USP34: variants seen among roughly 807,000 people sequenced by gnomAD.
USP34 encodes ubiquitin specific peptidase 34, also known as ubiquitin carboxyl-terminal hydrolase 34.
USP34 carries 70 observed loss-of-function variants against 460.3 expected under a neutral mutation model. The ratio of observed to expected loss-of-function variants is 0.15; its 90% CI spans 0.13 to 0.19. The LOEUF is 0.19. Ranked by LOEUF, USP34 falls within the 10% of genes least tolerant of loss-of-function variation. USP34 has a pLI of 1.00. For synonymous variants in USP34, 1,647 were observed against 1,405.3 expected, an observed-to-expected ratio of 1.17 and a Z score of -3.85; for missense variants, 3,985 against 4,236.2, an observed-to-expected ratio of 0.94 and a Z score of 1.65.
chr2:61,237,743 G>GTT, intron 53 of USP34, among the ~76,000 whole-genome samples: 1 of 147,990 alleles, frequency 6.8e-6, no homozygotes, highest in African/African-American at 2.5e-5. Flanking sequence ...TATTATTTTT[G>GTT]TATTTTTTTT....
At position 61,223,045 on chromosome 2, in the gene USP34, T is replaced by C. The variant is rs1020171504; in HGVS notation, c.7749+15A>G. On this transcript the variant is annotated intron_variant, in intron 64 of 79. Coordinates refer to ENST00000398571, the MANE Select transcript of USP34 (RefSeq NM_014709.4). ...AAATTTCCAAAAATCTTTAAGACTG[T>C]TCCTTAGCACTTACATGTTCTGCAA... 1.4e-5 allele frequency: 23 copies of C among 1,601,168 alleles called. No homozygotes were observed. The highest frequency in any genetic ancestry group is 2.7e-5 in the African/African-American group (2 of 74,348).
At chr2:61,234,399 G>C (rs531966429) in intron 57 of USP34, among the ~76,000 whole-genome samples, 1 of 152,208 alleles carries the variant, frequency 6.6e-6, no homozygotes, top group African/African-American at 2.4e-5. Context: ...TTACCTTTGA[G>C]TGGGTTATCC....
chr2:61,258,270 G>A (rs1475489890), intron 44 of USP34, among the ~76,000 whole-genome samples: 1 of 152,140 alleles, frequency 6.6e-6, no homozygotes, highest in African/African-American at 2.4e-5. Context: ...GTTGCCATGA[G>A]ACGAGATGGT....
intron 10 of USP34, among the ~76,000 whole-genome samples, chr2:61,363,089 A>C (rs1196697617): frequency 6.6e-6 from 1 of 152,222 alleles, no homozygotes; most frequent in Non-Finnish European, 1.5e-5. Context: ...CAAATAGCCA[A>C]TGAGCACAGG....
chr2:61,445,378 A>G (rs925627031), intron 1 of USP34, among the ~76,000 whole-genome samples: 2 of 151,464 alleles, frequency 1.3e-5, no homozygotes, highest in African/African-American at 4.9e-5. Flanking sequence ...TACGAAAAAT[A>G]CAAAAAGTTA....
At chr2:61,452,624 T>C (rs1695317565) in intron 1 of USP34, among the ~76,000 whole-genome samples, 1 of 151,844 alleles carries the variant, frequency 6.6e-6, no homozygotes, top group Non-Finnish European at 1.5e-5. Context: ...CGTGCTGGCC[T>C]GTAATCCCCA....
At chr2:61,367,581 CATT>C (rs1380834051) in intron 10 of USP34, among the ~76,000 whole-genome samples, 1 of 152,094 alleles carries the variant, frequency 6.6e-6, no homozygotes, top group Non-Finnish European at 1.5e-5. Context: ...GGCACACAAT[CATT>C]AGTAATGAAA....
Position 61,204,366 on chromosome 2 carries a change from A to G in USP34, c.9274T>C (p.Tyr3092His), listed in dbSNP as rs1432230521. The G allele has an allele frequency of 9.3e-6, 15 of 1,614,086 alleles. No homozygotes were observed. Among genetic ancestry groups the G allele is most frequent in the South Asian group, 1.1e-5 (1 of 91,090 alleles). Residue 3092 changes from tyrosine (Y) to histidine (H), a missense_variant, in exon 74 of 80, where the codon TAT becomes CAT. By Grantham distance (83) the Tyr-to-His change is moderately conservative. Transcript: ENST00000398571. Reference sequence around the variant, plus strand: ...TTGATATTTTCTCGACAAGGGAAATAAGGTCCAAGAGACACTAAGATATTA... The same window carrying G: ...TTGATATTTTCTCGACAAGGGAAATGAGGTCCAAGAGACACTAAGATATTA... ...HSNIPMSLGPYFPCRENIKLI... is the reference protein window; with the variant it reads ...HSNIPMSLGPHFPCRENIKLI...
chr2:61,200,892 A>ATGAT (rs1282386243), intron 75 of USP34: 1 of 152,260 alleles, frequency 6.6e-6, no homozygotes, highest in Non-Finnish European at 1.5e-5. Flanking sequence ...GGAGGCATTA[A>ATGAT]TGATAGGATT....
In USP34 at chr2:61,190,344, C is replaced by G. The variant is rs762103078; in HGVS notation, c.9800G>C (p.Ser3267Thr). 5 of 1,613,674 alleles carry G rather than the reference C, an allele frequency of 3.1e-6. No homozygotes were observed. Among genetic ancestry groups the G allele is most frequent in the Non-Finnish European group, 4.2e-6 (5 of 1,179,942 alleles). ...LISTLITNLI[S>T]QYQNLQSDFS... ...ATCAGACTGTAGGTTCTGATACTGG[C>G]TTATCAAGTTTGTAATAAGAGTGCT... Residue 3267 changes from serine (S) to threonine (T), a missense_variant, in exon 78 of 80, where the codon AGC becomes ACC. By Grantham distance (58) the Ser-to-Thr change is moderately conservative (BLOSUM62 1). Transcript: ENST00000398571.
intron 8 of USP34, among the ~76,000 whole-genome samples, chr2:61,373,089 T>C (rs1245757096): frequency 6.6e-6 from 1 of 152,206 alleles, no homozygotes; most frequent in Non-Finnish European, 1.5e-5. Context: ...GTTTTTTATC[T>C]TATTTTATTA....
At chr2:61,366,412 C>T (rs1465281010) in intron 10 of USP34, among the ~76,000 whole-genome samples, 1 of 152,118 alleles carries the variant, frequency 6.6e-6, no homozygotes, top group African/African-American at 2.4e-5. Context: ...ATGAAGTTTT[C>T]TATAAAGTAT....
intron 27 of USP34, among the ~76,000 whole-genome samples, chr2:61,307,045 G>A (rs1294591954): frequency 6.6e-6 from 1 of 152,066 alleles, no homozygotes; most frequent in East Asian, 1.9e-4. Context: ...ATTCACAAGA[G>A]CAAAGACTTG....
intron 1 of USP34, among the ~76,000 whole-genome samples, chr2:61,449,008 G>T (rs1695194597): frequency 6.6e-6 from 1 of 152,088 alleles, no homozygotes; most frequent in Non-Finnish European, 1.5e-5. Context: ...ATAAAAATTA[G>T]CAAGGTGTGG....
chr2:61,283,247 G>A lies in USP34; in HGVS notation c.4896C>T (p.Leu1632=), dbSNP rs1393357407. Reference sequence around the variant, plus strand: ...AACAGCAATGAGCCCAACTCACCAAGAGCCACATTGAATAATGTGAAACTA... The same window carrying A: ...AACAGCAATGAGCCCAACTCACCAAAAGCCACATTGAATAATGTGAAACTA... ...RHEVSHYSMW[L]LVSWAHCCSL... The change falls in exon 37 of 80, where the codon CTC becomes CTT. Residue 1632 remains leucine, a synonymous_variant. Transcript: ENST00000398571. 2 of 1,613,364 alleles carry A rather than the reference G, an allele frequency of 1.2e-6. No homozygotes were observed. The highest frequency in any genetic ancestry group is 1.7e-6 in the Non-Finnish European group (2 of 1,179,690).
Position 61,301,172 on chromosome 2 carries a change from A to C in USP34, c.3919-12T>G, listed in dbSNP as rs747551413. The C allele has an allele frequency of 2.7e-6, 4 of 1,476,560 alleles. No individual in the cohort carries two copies. The Admixed American group carries it at 8.0e-5, about 30-fold the overall frequency. 91.5% of individuals were successfully genotyped at this position (1,476,560 alleles called of 1,614,324 possible). A position where few individuals can be genotyped will look rare whatever the true frequency, so the allele number is the denominator to read the frequency against. Reference sequence around the variant, plus strand: ...GATACAAATACCATCTATAAAAAACAGGAAAAAAAATTTATGCATATCAAG... The same window carrying C: ...GATACAAATACCATCTATAAAAAACCGGAAAAAAAATTTATGCATATCAAG... On this transcript the variant is annotated splice_polypyrimidine_tract_variant and intron_variant, in intron 28 of 79. Transcript: ENST00000398571.
intron 1 of USP34, among the ~76,000 whole-genome samples, chr2:61,433,228 C>A (rs905776854): frequency 6.6e-6 from 1 of 152,186 alleles, no homozygotes; most frequent in African/African-American, 2.4e-5. Context: ...TCTCCCCTCA[C>A]CCAGATGGGA....
chr2:61,300,728 G>A (rs561429027), intron 29 of USP34, among the ~76,000 whole-genome samples: 2 of 151,066 alleles, frequency 1.3e-5, no homozygotes, highest in Admixed American at 6.6e-5. Flanking sequence ...CCCGGGAGGT[G>A]GAGCTTGCAG....
At chr2:61,205,723 T>C (rs1236958057) in intron 72 of USP34, among the ~76,000 whole-genome samples, 7 of 152,232 alleles carry the variant, frequency 4.6e-5, no homozygotes. Flanking sequence ...AACATTTATA[T>C]GGTTCAACCT....
Sources: gnomAD v4.1 joint callset for allele counts (sites outside exome capture counted in the v4.1 genomes callset) on GRCh38, gnomAD v4.1.1 for gene constraint, MANE v1.5 for transcripts, NCBI Gene and HGNC (gene_info 2026-07-23, HGNC 2026-07-21) for gene names.